Variants in N4BP2 observed in about 807,000 individuals in gnomAD.
N4BP2 encodes NEDD4 binding protein 2, also known as NEDD4-binding protein 2.
In N4BP2, 91 loss-of-function variants were observed where a neutral mutation model predicts 152.8. That is an observed-to-expected ratio of 0.60 (90% CI 0.50 to 0.71). The LOEUF is 0.71. Ranked by LOEUF, N4BP2 falls within the 30% of genes least tolerant of loss-of-function variation. The pLI is 0.00. For missense variants in N4BP2, 1,923 were observed against 2,059.1 expected, an observed-to-expected ratio of 0.93 and a Z score of 1.28; for synonymous variants, 646 against 705.3, an observed-to-expected ratio of 0.92 and a Z score of 1.33.
chr4:40,170,997 C>T, the N4BP2 span, among the ~76,000 whole-genome samples: 1 of 152,126 alleles, frequency 6.6e-6, no homozygotes, highest in Non-Finnish European at 1.5e-5. Context: ...TTCTTGGCAA[C>T]TTGTTTGAGA....
chr4:40,072,161 G>C (rs1031850193), intron 1 of N4BP2, among the ~76,000 whole-genome samples: 4 of 151,370 alleles, frequency 2.6e-5, no homozygotes, highest in African/African-American at 9.7e-5. Flanking sequence ...TGCAATCTCC[G>C]CCTTCCGGGT....
intron 13 of N4BP2, among the ~76,000 whole-genome samples, chr4:40,136,285 T>A (rs1277723199): frequency 6.6e-6 from 1 of 152,198 alleles, no homozygotes; most frequent in African/African-American, 2.4e-5. Flanking sequence ...GAATAGGTGA[T>A]AAAATGAAAG....
rs1192656184 is a variant in N4BP2 at position 40,083,369 on chromosome 4, C to T, written c.-115+9818C>T. ...GAGAGATATGAAAACATGTCCACAG[C>T]AAACTCTTATACAAATGTTCATAGC... On this transcript the variant is annotated intron_variant, in intron 2 of 17. Transcript: ENST00000261435. 3.3e-5 allele frequency among the ~76,000 whole-genome samples: 5 copies of T among 152,162 alleles called. No homozygotes were observed. In the East Asian group the frequency reaches 7.7e-4, roughly 23 times the overall value.
intron 2 of N4BP2, among the ~76,000 whole-genome samples, chr4:40,088,102 G>T (rs1170973736): frequency 6.6e-6 from 1 of 152,132 alleles, no homozygotes; most frequent in Non-Finnish European, 1.5e-5. Flanking sequence ...TTTCATCCAG[G>T]TTGTTGTATG....
chr4:40,178,828 C>G, the N4BP2 span, among the ~76,000 whole-genome samples: 1 of 152,196 alleles, frequency 6.6e-6, no homozygotes, highest in Non-Finnish European at 1.5e-5. Context: ...TCGGAGAGCT[C>G]TGTCAGGGCA....
chr4:40,152,868 A>G lies in N4BP2; in HGVS notation c.5232A>G (p.Pro1744=). The change falls in exon 17 of 18, where the codon CCA becomes CCG. Residue 1744 remains proline (P), a synonymous_variant. Coordinates refer to ENST00000261435, the MANE Select transcript of N4BP2 (RefSeq NM_018177.6). The part of the protein sequence containing the change: ...HSQGGVARIK[P]AVIKYLISHS... ...AGGGAGGAGTTGCTCGCATCAAACC[A>G]GCTGTCATTAAGTACCTCATAAGCC... is the stretch of plus-strand genomic sequence containing the variant. 1 of 1,614,062 alleles carries G rather than the reference A, an allele frequency of 6.2e-7. No individual in the cohort carries two copies. Among genetic ancestry groups the G allele is most frequent in the Non-Finnish European group, 8.5e-7 (1 of 1,179,948 alleles).
At chr4:40,074,425 T>C (rs1007233562) in intron 2 of N4BP2, among the ~76,000 whole-genome samples, 8 of 147,674 alleles carry the variant, frequency 5.4e-5, no homozygotes, top group Middle Eastern at 3.6e-3. Flanking sequence ...CCCAGGCTGG[T>C]CTCAAACTCC....
In N4BP2 at chr4:40,157,772, G is replaced by A. The variant is rs983910306; in HGVS notation, c.*3535G>A. 1.7e-4 allele frequency: 26 copies of A among 152,096 alleles called. No homozygotes were observed. Among genetic ancestry groups the A allele is most frequent in the African/African-American group, 6.0e-4 (25 of 41,408 alleles). The allele number at this position is 152,096 out of a possible 1,614,324, so 9.4% of individuals were successfully genotyped here. ...GTGGCCAAAAGGTGTCATTTAAAAG[G>A]TAAAATAAGTTTATGTAGAATGTAT... On this transcript the variant is annotated 3_prime_UTR_variant, in exon 18 of 18. Coordinates refer to ENST00000261435, the MANE Select transcript of N4BP2 (RefSeq NM_018177.6).
At position 40,120,890 on chromosome 4, in the gene N4BP2, C is replaced by T. The variant is rs750841894; in HGVS notation, c.2779C>T (p.His927Tyr). 1.9e-6 allele frequency: 3 copies of T among 1,613,990 alleles called. No individual in the cohort carries two copies. Among genetic ancestry groups the T allele is most frequent in the Non-Finnish European group, 2.5e-6 (3 of 1,180,010 alleles). Reference sequence around the variant, plus strand: ...GAATGAAATATCCTTATCTACAGCACATGAGGCCTGTTGGGGCACAAGCTC... The same window carrying T: ...GAATGAAATATCCTTATCTACAGCATATGAGGCCTGTTGGGGCACAAGCTC... ...KMNEISLSTA[H>Y]EACWGTSSQK... Residue 927 changes from histidine to tyrosine, a missense_variant, in exon 9 of 18, where the codon CAT (histidine) becomes TAT (tyrosine). His to Tyr is a moderately conservative substitution (Grantham distance 83, BLOSUM62 2). Coordinates refer to ENST00000261435, the MANE Select transcript of N4BP2 (RefSeq NM_018177.6).
chr4:40,116,798 A>C (rs1489936379), intron 7 of N4BP2, among the ~76,000 whole-genome samples: 1 of 152,014 alleles, frequency 6.6e-6, no homozygotes, highest in Non-Finnish European at 1.5e-5. Flanking sequence ...AAATCTGCAG[A>C]TCTTTTTATT....
At chr4:40,179,154 G>T in the N4BP2 span, among the ~76,000 whole-genome samples, 1 of 152,128 alleles carries the variant, frequency 6.6e-6, no homozygotes. Context: ...AGATCACAAG[G>T]TCAGGAGATC....
the N4BP2 span, among the ~76,000 whole-genome samples, chr4:40,168,623 T>A: frequency 7.2e-5 from 11 of 152,102 alleles, no homozygotes; most frequent in African/African-American, 2.7e-4. Flanking sequence ...ACAGATCTAG[T>A]AGACAAAAAA....
Position 40,157,496 on chromosome 4 carries a change from A to G in N4BP2, c.*3259A>G, listed in dbSNP as rs770630073. 8.5e-5 allele frequency: 13 copies of G among 152,108 alleles called. No homozygotes were observed. The highest frequency in any genetic ancestry group is 1.5e-4 in the Non-Finnish European group (10 of 67,994). 9.4% of individuals were successfully genotyped at this position (152,108 alleles called of 1,614,324 possible). On this transcript the variant is annotated 3_prime_UTR_variant, in exon 18 of 18. Coordinates refer to ENST00000261435, the MANE Select transcript of N4BP2 (RefSeq NM_018177.6). The stretch of plus-strand genomic sequence containing the variant: ...GACATGTATAATATTGAGATCGGTT[A>G]TTTCTGAGCTGGAAATTGGAAACTT...
downstream of N4BP2, among the ~76,000 whole-genome samples, chr4:40,161,064 A>G (rs1041923886): frequency 6.6e-6 from 1 of 152,222 alleles, no homozygotes; most frequent in Non-Finnish European, 1.5e-5. Flanking sequence ...CAATCAATCA[A>G]TCCTGACAAG....
At chr4:40,100,728 G>C (rs1421321169) in intron 3 of N4BP2, among the ~76,000 whole-genome samples, 1 of 152,142 alleles carries the variant, frequency 6.6e-6, no homozygotes, top group East Asian at 1.9e-4. Flanking sequence ...CAGCATTGGA[G>C]TCAGATATAC....
chr4:40,097,568 A>G lies in N4BP2; in HGVS notation c.228A>G (p.Lys76=), dbSNP rs1333177142. ...VYLMLSECDF[K]VENAMDCLLE... ...TGATGCTTTCTGAATGTGATTTCAA[A>G]GGTGAGAAAAAGTTTAGTTTGAACC... Residue 76 remains lysine (K), a splice_region_variant and synonymous_variant, in exon 3 of 18, where the codon AAA becomes AAG. Transcript: ENST00000261435. The G allele has an allele frequency of 3.1e-5, 50 of 1,604,072 alleles. No individual in the cohort carries two copies. Among genetic ancestry groups the G allele is most frequent in the Non-Finnish European group, 4.3e-5 (50 of 1,171,408 alleles).
At chr4:40,087,651 A>T (rs1714109001) in intron 2 of N4BP2, among the ~76,000 whole-genome samples, 1 of 152,060 alleles carries the variant, frequency 6.6e-6, no homozygotes, top group Non-Finnish European at 1.5e-5. Flanking sequence ...GGCACGAGCC[A>T]CCTTCCCCCA....
intron 7 of N4BP2, among the ~76,000 whole-genome samples, chr4:40,117,090 T>C (rs59500808): frequency 0.011 from 1,651 of 152,330 alleles, 34 homozygotes; most frequent in African/African-American, 0.038. Flanking sequence ...TTGGCATTTG[T>C]TGGCTTCTGA....
the N4BP2 span, among the ~76,000 whole-genome samples, chr4:40,173,299 C>T: frequency 2.0e-5 from 3 of 152,224 alleles, no homozygotes; most frequent in South Asian, 4.1e-4. Context: ...GCAGGAACTC[C>T]CTGGAAAGCA....
Sources: allele counts gnomAD v4.1 joint callset (sites outside exome capture counted in the v4.1 genomes callset), GRCh38; gene constraint gnomAD v4.1.1; transcripts MANE v1.5; gene names NCBI Gene and HGNC (gene_info 2026-07-23, HGNC 2026-07-21).